Variants in COBL observed in about 807,000 individuals in gnomAD.
COBL encodes the protein cordon-bleu WH2 repeat protein.
COBL carries 51 observed loss-of-function variants against 98.8 expected under a neutral mutation model. The observed-to-expected ratio is 0.52, with a 90% CI of 0.41 to 0.65. The LOEUF (loss-of-function observed/expected upper bound fraction) is 0.65, where lower values mean the gene tolerates loss of function less well. Among genes scored for constraint, COBL ranks in the 30% least tolerant of loss-of-function variants. The pLI is 0.00. For synonymous variants in COBL, 634 were observed against 651.7 expected (o/e 0.97, Z 0.41); for missense variants, 1,617 against 1,617.5 (o/e 1.00, Z 0.01).
chr7:51,208,395 T>C (rs1563040171), intron 2 of COBL, among the ~76,000 whole-genome samples: 1 of 119,342 alleles, frequency 8.4e-6, no homozygotes, highest in Non-Finnish European at 1.8e-5. Context: ...GTGGGGGGGG[T>C]CAGCCCCCCG....
chr7:51,261,296 A>C (rs1280099908), intron 1 of COBL, among the ~76,000 whole-genome samples: 4 of 152,158 alleles, frequency 2.6e-5, no homozygotes, highest in Non-Finnish European at 4.4e-5. Context: ...CCAACTCAGT[A>C]TCACTTCCAG....
chr7:51,287,139 C>A (rs1163283224), intron 1 of COBL, among the ~76,000 whole-genome samples: 1 of 152,046 alleles, frequency 6.6e-6, no homozygotes, highest in African/African-American at 2.4e-5. Context: ...AGCATGGGTA[C>A]CACACTCACT....
At position 51,083,335 on chromosome 7, in the gene COBL, C is replaced by T. The variant is rs1056466858; in HGVS notation, c.1096+1831G>A. ...CACCAGATCCAGCCACACTCAACAC[C>T]AGATCCAGCCACACCTAACACCAGA... On this transcript the variant is annotated intron_variant, in intron 7 of 12. Transcript: ENST00000265136. 5 of 756,934 alleles carry T rather than the reference C, an allele frequency of 6.6e-6. No individual in the cohort carries two copies. In the Admixed American group the frequency reaches 1.6e-4, roughly 24 times the overall value. The allele number at this position is 756,934 out of a possible 1,614,324, so 46.9% of individuals were successfully genotyped here. A position where few individuals can be genotyped will look rare whatever the true frequency, so the allele number is the denominator to read the frequency against.
chr7:51,275,712 G>A (rs1799253891), intron 1 of COBL, among the ~76,000 whole-genome samples: 2 of 152,118 alleles, frequency 1.3e-5, no homozygotes, highest in South Asian at 2.1e-4. Context: ...AGCTCCGCAC[G>A]CAGCCCACCC....
chr7:51,046,679 T>A (rs1464060872), intron 7 of COBL, among the ~76,000 whole-genome samples: 6 of 152,120 alleles, frequency 3.9e-5, no homozygotes, highest in Non-Finnish European at 8.8e-5. Context: ...AAGGAAAACG[T>A]GGAGCTGCTT....
At chr7:51,168,570 T>TC (rs1316153778) in intron 5 of COBL, among the ~76,000 whole-genome samples, 5 of 152,168 alleles carry the variant, frequency 3.3e-5, no homozygotes, top group Admixed American at 3.3e-4. Flanking sequence ...CAATGAGATA[T>TC]CCTTTCACCT....
At chr7:51,045,157 C>T (rs1334700834) in intron 7 of COBL, among the ~76,000 whole-genome samples, 1 of 152,160 alleles carries the variant, frequency 6.6e-6, no homozygotes, top group Non-Finnish European at 1.5e-5. Context: ...CTTGCCTTCC[C>T]TTTTGCTGCC....
intron 6 of COBL, among the ~76,000 whole-genome samples, chr7:51,100,921 AAAC>A (rs898849223): frequency 4.0e-5 from 6 of 149,492 alleles, no homozygotes; most frequent in Non-Finnish European, 6.0e-5. Flanking sequence ...AACAAAAAAA[AAAC>A]AACAACAAAA....
intron 5 of COBL, among the ~76,000 whole-genome samples, chr7:51,156,942 C>T (rs1389837722): frequency 2.0e-5 from 3 of 152,180 alleles, no homozygotes; most frequent in Non-Finnish European, 4.4e-5. Flanking sequence ...TGAGGCTTTG[C>T]CTTCTCTGTA....
intron 7 of COBL, among the ~76,000 whole-genome samples, chr7:51,051,393 C>T (rs1790220429): frequency 1.3e-5 from 2 of 152,082 alleles, no homozygotes; most frequent in Non-Finnish European, 2.9e-5. Context: ...TGTTTTGATG[C>T]TTATTTGTTT....
At position 51,184,149 on chromosome 7, in the gene COBL, T is replaced by C; in HGVS notation, c.736A>G (p.Lys246Glu). ...ACTTTGAAAAATCCCAGAAATTTTT[T>C]CTTCTCTTTATCTGTCTCATCATTG... ...LGNDETDKEK[K>E]KFLGFFKVNK... The change falls in exon 5 of 13, where the codon AAA becomes GAA. Residue 246 changes from lysine (K) to glutamate (E), a missense_variant. By Grantham distance (56) the Lys-to-Glu change is moderately conservative. Transcript: ENST00000265136. 6.4e-7 allele frequency: 1 copy of C among 1,572,060 alleles called. No homozygotes were observed. Among genetic ancestry groups the C allele is most frequent in the Non-Finnish European group, 8.6e-7 (1 of 1,156,138 alleles).
At chr7:51,280,189 C>G (rs577758986) in intron 1 of COBL, among the ~76,000 whole-genome samples, 2 of 151,902 alleles carry the variant, frequency 1.3e-5, no homozygotes, top group Non-Finnish European at 1.5e-5. Flanking sequence ...TTTTCCCAAT[C>G]CTGGATTCAA....
At chr7:51,284,398 C>T (rs1432325513) in intron 1 of COBL, among the ~76,000 whole-genome samples, 1 of 151,950 alleles carries the variant, frequency 6.6e-6, no homozygotes, top group African/African-American at 2.4e-5. Flanking sequence ...TCATGTAATT[C>T]ACCATACTGA....
chr7:51,109,289 C>CAGTA (rs1328048980), intron 6 of COBL, among the ~76,000 whole-genome samples: 1 of 152,228 alleles, frequency 6.6e-6, no homozygotes, highest in Non-Finnish European at 1.5e-5. Flanking sequence ...TTCAAACCAC[C>CAGTA]TGTGTGAATG....
chr7:51,161,489 T>A (rs1401564188), intron 5 of COBL, among the ~76,000 whole-genome samples: 1 of 152,230 alleles, frequency 6.6e-6, no homozygotes, highest in Non-Finnish European at 1.5e-5. Flanking sequence ...TTCTGGAAAC[T>A]TTTTTAGGGC....
chr7:51,137,742 G>T (rs2129008369), intron 5 of COBL, among the ~76,000 whole-genome samples: 1 of 152,290 alleles, frequency 6.6e-6, no homozygotes. Flanking sequence ...AGAACTGTAT[G>T]TAATCCCAGC....
intron 6 of COBL, among the ~76,000 whole-genome samples, chr7:51,127,728 T>C (rs6593333): frequency 1 from 152,037 of 152,322 alleles, 75,882 homozygotes; most frequent in Middle Eastern, 1. Context: ...GCTGGGTGTG[T>C]GAAGGCTGGG....
intron 5 of COBL, among the ~76,000 whole-genome samples, chr7:51,174,158 T>C (rs546636918): frequency 1.3e-5 from 2 of 152,334 alleles, no homozygotes; most frequent in African/African-American, 4.8e-5. Context: ...CAGTGATTAA[T>C]GGCAAGGACT....
chr7:51,127,101 G>T (rs141683395), intron 6 of COBL, among the ~76,000 whole-genome samples: 3 of 152,176 alleles, frequency 2.0e-5, no homozygotes, highest in African/African-American at 7.2e-5. Flanking sequence ...GCCGTGGGAC[G>T]TGGAGGGCCC....
Sources: allele counts gnomAD v4.1 joint callset (sites outside exome capture counted in the v4.1 genomes callset), GRCh38; gene constraint gnomAD v4.1.1; transcripts MANE v1.5; gene names NCBI Gene and HGNC (gene_info 2026-07-23, HGNC 2026-07-21).